IQSEC3: variants seen among roughly 807,000 people sequenced by gnomAD.
The protein encoded by IQSEC3 is IQ motif and Sec7 domain ArfGEF 3.
A neutral mutation model predicts 105.4 loss-of-function variants in IQSEC3; 50 were observed. The ratio of observed to expected loss-of-function variants is 0.47; its 90% CI spans 0.38 to 0.60. The LOEUF is 0.60. IQSEC3 is among the 20% of genes least tolerant of loss of function. IQSEC3 has a pLI of 0.00. For missense variants in IQSEC3, 1,415 were observed against 1,630.0 expected (o/e 0.87, Z 2.27); for synonymous variants, 708 against 746.0 (o/e 0.95, Z 0.83).
chr12:99,761 T>A (rs945747937), intron 2 of IQSEC3, among the ~76,000 whole-genome samples: 1 of 152,232 alleles, frequency 6.6e-6, no homozygotes, highest in African/African-American at 2.4e-5. Flanking sequence ...GCCACAGTCC[T>A]GAGCTTTCTC....
chr12:174,931 G>GGGC lies in IQSEC3; in HGVS notation c.3447_3448insGGC (p.Leu1149_Pro1150insGly). On this transcript the variant is annotated inframe_insertion, in exon 14 of 14. Coordinates refer to ENST00000538872, the MANE Select transcript of IQSEC3 (RefSeq NM_001170738.2). ...TCAAGGTCACCCACCAGCCTCCGCT[G>GGGC]CCCCCGCCCCCACCCCCCTACAACC... 6.5e-7 allele frequency: 1 copy of GGGC among 1,526,972 alleles called. No individual in the cohort carries two copies. The highest frequency in any genetic ancestry group is 8.8e-7 in the Non-Finnish European group (1 of 1,139,806). The allele number at this position is 1,526,972 out of a possible 1,614,324, so 94.6% of individuals were successfully genotyped here. A position where few individuals can be genotyped will look rare whatever the true frequency, so the allele number is the denominator to read the frequency against.
intron 3 of IQSEC3, among the ~76,000 whole-genome samples, chr12:127,721 GTTGT>G (rs1865463694): frequency 6.6e-6 from 1 of 152,166 alleles, no homozygotes; most frequent in African/African-American, 2.4e-5. Context: ...TTTTGATGGG[GTTGT>G]TTGTTTTTTT....
At chr12:160,408 C>T (rs1555095812) in intron 7 of IQSEC3, among the ~76,000 whole-genome samples, 1 of 152,024 alleles carries the variant, frequency 6.6e-6, no homozygotes, top group Admixed American at 6.6e-5. Flanking sequence ...TTTTCTTGTT[C>T]TGCCTGATAC....
chr12:124,984 C>T (rs554792083), intron 2 of IQSEC3, among the ~76,000 whole-genome samples: 39 of 152,250 alleles, frequency 2.6e-4, no homozygotes, highest in African/African-American at 5.8e-4. Context: ...TCTTCACAGC[C>T]GCAGCCCCCA....
intron 2 of IQSEC3, among the ~76,000 whole-genome samples, chr12:119,800 A>C (rs1297114527): frequency 1.3e-5 from 2 of 152,148 alleles, no homozygotes; most frequent in Non-Finnish European, 2.9e-5. Context: ...CAGCCCTTGG[A>C]AGGATGTGAC....
chr12:161,148 A>G (rs1393510593), intron 7 of IQSEC3, among the ~76,000 whole-genome samples: 1 of 151,484 alleles, frequency 6.6e-6, no homozygotes, highest in Non-Finnish European at 1.5e-5. Flanking sequence ...AGCTGGGAAC[A>G]CTCCTTTGAG....
chr12:164,038 G>A (rs930897992), intron 9 of IQSEC3, among the ~76,000 whole-genome samples: 10 of 152,200 alleles, frequency 6.6e-5, no homozygotes, highest in Admixed American at 5.2e-4. Context: ...GTGTGTGTGC[G>A]TGCACACACA....
At position 157,528 on chromosome 12, in the gene IQSEC3, C is replaced by A; in HGVS notation, c.2277C>A (p.Ser759Arg). 2 of 1,610,984 alleles carry A rather than the reference C, an allele frequency of 1.2e-6. No individual in the cohort carries two copies. The highest frequency in any genetic ancestry group is 1.7e-6 in the Non-Finnish European group (2 of 1,178,132). The change falls in exon 7 of 14, where the codon AGC (serine) becomes AGA (arginine). Residue 759 changes from serine (S) to arginine (R), a missense_variant and splice_region_variant. This residue lies in a region of IQSEC3 where 213 missense variants were observed against 306.2 expected (regional missense o/e 0.70). Transcript: ENST00000538872. ...QKVERLIEAF[S>R]QRYCMCNPEV... is the part of the protein sequence containing the mutation. The stretch of plus-strand genomic sequence containing the variant: ...CGCTCTGCATCTGACCCCCCCACAG[C>A]CAGCGCTACTGCATGTGCAACCCCG...
At chr12:73,588 T>G (rs556542498) in intron 1 of IQSEC3, among the ~76,000 whole-genome samples, 2 of 152,112 alleles carry the variant, frequency 1.3e-5, no homozygotes, top group African/African-American at 4.8e-5. Context: ...GAGAATCACT[T>G]GAATCTAGGA....
chr12:161,884 CT>C, intron 7 of IQSEC3, 41 bp from the exon 8 acceptor site: 1 of 1,533,292 alleles, frequency 6.5e-7, no homozygotes, highest in South Asian at 1.2e-5. Context: ...GACACCCTCC[CT>C]CCCAACCCCA....
At chr12:99,392 A>C (rs1252097493) in intron 2 of IQSEC3, among the ~76,000 whole-genome samples, 178 bp downstream of exon 2, 1 of 152,048 alleles carries the variant, frequency 6.6e-6, no homozygotes, top group Non-Finnish European at 1.5e-5. Context: ...TGGACCCCAA[A>C]TGAGCCGTTC....
intron 1 of IQSEC3, among the ~76,000 whole-genome samples, chr12:76,783 G>A (rs12306047): frequency 1.0e-3 from 158 of 152,388 alleles, no homozygotes; most frequent in African/African-American, 3.6e-3. Context: ...TCAGGTACGG[G>A]GCGGCCAGAC....
At chr12:97,696 G>A (rs1272317187) in intron 1 of IQSEC3, among the ~76,000 whole-genome samples, 1 of 152,186 alleles carries the variant, frequency 6.6e-6, no homozygotes, top group African/African-American at 2.4e-5. Context: ...CATGCCTGTA[G>A]CTGAGACAGG....
chr12:142,228 G>A (rs904793374), intron 5 of IQSEC3: 4 of 152,238 alleles, frequency 2.6e-5, no homozygotes, highest in African/African-American at 9.7e-5. Context: ...AGCAGCAAGG[G>A]ACTGCCAGAG....
intron 3 of IQSEC3, among the ~76,000 whole-genome samples, chr12:128,275 G>A (rs1238400895): frequency 2.0e-5 from 3 of 152,132 alleles, no homozygotes; most frequent in Non-Finnish European, 4.4e-5. Flanking sequence ...CCTCCTTGAA[G>A]GCAGGTGCAT....
At chr12:161,386 T>TG (rs1418968722) in intron 7 of IQSEC3, among the ~76,000 whole-genome samples, 1 of 152,124 alleles carries the variant, frequency 6.6e-6, no homozygotes, top group African/African-American at 2.4e-5. Flanking sequence ...TCGCCTGCAT[T>TG]GCCAGGGGTC....
intron 2 of IQSEC3, among the ~76,000 whole-genome samples, chr12:108,662 G>C (rs1864765249): frequency 6.6e-6 from 1 of 152,160 alleles, no homozygotes; most frequent in South Asian, 2.1e-4. Context: ...GCCTTTCCAG[G>C]GCCCACTGAC....
At chr12:174,051 C>T (rs1939144385) in intron 13 of IQSEC3, among the ~76,000 whole-genome samples, 1 of 152,184 alleles carries the variant, frequency 6.6e-6, no homozygotes, top group Non-Finnish European at 1.5e-5. Context: ...CGTGGGGAGT[C>T]TGGGAGGACA....
chr12:139,234 C>G lies in IQSEC3; in HGVS notation c.1871C>G (p.Ala624Gly). ...SASASKDALQAMILSLPRYHC... is the reference protein window; with the variant it reads ...SASASKDALQGMILSLPRYHC... Reference sequence around the variant, plus strand: ...TCCGCCTCCAAGGACGCCCTGCAGGCCATGATCCTGAGCCTGCCGCGCTAC... The same window carrying G: ...TCCGCCTCCAAGGACGCCCTGCAGGGCATGATCCTGAGCCTGCCGCGCTAC... Residue 624 changes from alanine (A) to glycine (G), a missense_variant, in exon 4 of 14, where the codon GCC (alanine) becomes GGC (glycine). Coordinates refer to ENST00000538872, the MANE Select transcript of IQSEC3 (RefSeq NM_001170738.2). 1 of 1,607,248 alleles carries G rather than the reference C, an allele frequency of 6.2e-7. No individual in the cohort carries two copies. The highest frequency in any genetic ancestry group is 1.1e-5 in the South Asian group (1 of 90,116).
Sources: allele counts gnomAD v4.1 joint callset (sites outside exome capture counted in the v4.1 genomes callset), GRCh38; gene constraint gnomAD v4.1.1; regional missense constraint gnomAD v4.1.1; transcripts MANE v1.5; gene names NCBI Gene and HGNC (gene_info 2026-07-23, HGNC 2026-07-21).